ACACB: variants seen among roughly 807,000 people sequenced by gnomAD.
ACACB encodes the protein acetyl-CoA carboxylase beta, also known as acetyl-CoA carboxylase 2.
A neutral mutation model predicts 278.8 loss-of-function variants in ACACB; 209 were observed. The observed-to-expected ratio is 0.75, with a 90% CI of 0.67 to 0.84. The LOEUF is 0.84. Among genes scored for constraint, ACACB ranks in the 40% least tolerant of loss-of-function variants. The probability of loss-of-function intolerance (pLI) is 0.00; values close to 1 mark genes in which losing one functional copy is unlikely to be tolerated. For missense variants in ACACB, 2,850 were observed against 3,269.0 expected (o/e 0.87, Z 3.13); for synonymous variants, 1,174 against 1,285.6 (o/e 0.91, Z 1.86).
chr12:109,158,025 A>G (rs1555207905), intron 2 of ACACB, among the ~76,000 whole-genome samples: 4 of 152,078 alleles, frequency 2.6e-5, no homozygotes, highest in Non-Finnish European at 5.9e-5. Flanking sequence ...TGGTGGGGAG[A>G]TTTTTGAAAA....
chr12:109,213,855 C>A (rs545915183), intron 22 of ACACB, among the ~76,000 whole-genome samples: 1 of 152,226 alleles, frequency 6.6e-6, no homozygotes, highest in East Asian at 1.9e-4. Context: ...CTGCCTCGGC[C>A]TCCCAAAGTG....
intron 37 of ACACB, among the ~76,000 whole-genome samples, chr12:109,244,472 T>C (rs1175735041): frequency 6.6e-6 from 1 of 152,220 alleles, no homozygotes; most frequent in Non-Finnish European, 1.5e-5. Context: ...TGGAAACTTA[T>C]GATTAAGAAT....
intron 48 of ACACB, among the ~76,000 whole-genome samples, chr12:109,261,796 G>A (rs769532099): frequency 1.1e-4 from 17 of 151,352 alleles, no homozygotes; most frequent in Admixed American, 2.6e-4. Context: ...ACTTGAACCC[G>A]GGAGGCAGAG....
intron 1 of ACACB, among the ~76,000 whole-genome samples, chr12:109,133,588 T>C (rs2042885305): frequency 6.6e-6 from 1 of 152,034 alleles, no homozygotes; most frequent in Non-Finnish European, 1.5e-5. Context: ...GGTAGAGGGA[T>C]GCCCACCCTA....
chr12:109,193,613 C>T, intron 15 of ACACB, 35 bp from the exon 16 acceptor site: 12 of 1,566,490 alleles, frequency 7.7e-6, no homozygotes, highest in Non-Finnish European at 1.1e-5. Flanking sequence ...CTCAGTCCCT[C>T]CCAAGGCTGA....
At chr12:109,162,644 C>G (rs75795045) in intron 2 of ACACB, among the ~76,000 whole-genome samples, 3,683 of 152,242 alleles carry the variant, frequency 0.024, 140 homozygotes, top group African/African-American at 0.085. Flanking sequence ...AGATAAGGGT[C>G]TGAATAGGTG....
In ACACB at chr12:109,265,158, C is replaced by G; in HGVS notation, c.6991C>G (p.Arg2331Gly). The change falls in exon 51 of 53, where the codon CGC becomes GGC. Residue 2331 changes from arginine (R) to glycine (G), a missense_variant. By Grantham distance (125) the Arg-to-Gly change is moderately radical. Around this residue, in one of 3 missense-constraint regions of ACACB, gnomAD observed 579 missense variants for 684.6 expected, o/e 0.85. Transcript: ENST00000338432. ...ACGCACCTTCCTGTATTGGCGTCTG[C>G]GCCGCCTCCTCCTGGAGGACCAGGT... ...TARTFLYWRL[R>G]RLLLEDQVKQ... 1.2e-6 allele frequency: 2 copies of G among 1,613,680 alleles called. No homozygotes were observed. Among genetic ancestry groups the G allele is most frequent in the Non-Finnish European group, 1.7e-6 (2 of 1,179,872 alleles).
At chr12:109,168,128 C>G in intron 4 of ACACB, 94 bp downstream of exon 4, 4 of 1,379,010 alleles carry the variant, frequency 2.9e-6, no homozygotes, top group Non-Finnish European at 4.0e-6. Flanking sequence ...TCCTGGACTC[C>G]CGATGGTCAG....
At chr12:109,153,547 A>G (rs962275641) in intron 2 of ACACB, among the ~76,000 whole-genome samples, 1 of 152,102 alleles carries the variant, frequency 6.6e-6, no homozygotes, top group African/African-American at 2.4e-5. Flanking sequence ...CATTTACATT[A>G]TTTTTGGTTG....
chr12:109,119,563 C>T (rs1377070199), intron 1 of ACACB, among the ~76,000 whole-genome samples: 1 of 148,738 alleles, frequency 6.7e-6, no homozygotes, highest in African/African-American at 2.5e-5. Flanking sequence ...GCACTCCAGC[C>T]TGGGCAACAG....
chr12:109,170,368 G>A (rs922612499), intron 4 of ACACB, among the ~76,000 whole-genome samples: 18 of 152,162 alleles, frequency 1.2e-4, no homozygotes, highest in East Asian at 3.9e-4. Context: ...CCCAGCCAGC[G>A]TGTGTTTTTT....
intron 13 of ACACB, 121 bp from the exon 14 acceptor site, chr12:109,191,492 G>A: frequency 7.8e-7 from 1 of 1,276,396 alleles, no homozygotes; most frequent in Admixed American, 2.0e-5. Context: ...GGGATTACAG[G>A]CGTGAGCCAC....
intron 18 of ACACB, among the ~76,000 whole-genome samples, chr12:109,200,076 A>C (rs1327412822): frequency 6.6e-6 from 1 of 151,930 alleles, no homozygotes; most frequent in Admixed American, 6.6e-5. Flanking sequence ...TCTCCCCAGG[A>C]ATGAGTAAGA....
intron 2 of ACACB, among the ~76,000 whole-genome samples, chr12:109,154,444 G>A (rs1024296476): frequency 2.0e-5 from 3 of 152,266 alleles, no homozygotes; most frequent in Admixed American, 6.5e-5. Context: ...ATCAATTGCT[G>A]CCAATATGTA....
chr12:109,193,437 C>T (rs1357075242), intron 15 of ACACB, among the ~76,000 whole-genome samples: 2 of 152,092 alleles, frequency 1.3e-5, no homozygotes, highest in Non-Finnish European at 2.9e-5. Context: ...AGGCTGGTCT[C>T]GAACTCTTGG....
chr12:109,132,596 G>A (rs571884127), intron 1 of ACACB, among the ~76,000 whole-genome samples: 34 of 152,292 alleles, frequency 2.2e-4, no homozygotes, highest in African/African-American at 8.2e-4. Context: ...GAGCAGCAGT[G>A]AGGTGAATGG....
chr12:109,160,522 G>T (rs562848227), intron 2 of ACACB, among the ~76,000 whole-genome samples: 1 of 152,222 alleles, frequency 6.6e-6, no homozygotes, highest in South Asian at 2.1e-4. Context: ...TTTGGTGTTT[G>T]GCTGACACCT....
At chr12:109,119,328 C>T (rs373795277) in intron 1 of ACACB, among the ~76,000 whole-genome samples, 2 of 152,094 alleles carry the variant, frequency 1.3e-5, no homozygotes, top group African/African-American at 2.4e-5. Flanking sequence ...CAGTGGCTCA[C>T]GCCTGTAATC....
At chr12:109,170,100 T>TTTTG (rs148212534) in intron 4 of ACACB, among the ~76,000 whole-genome samples, 1 of 152,020 alleles carries the variant, frequency 6.6e-6, no homozygotes, top group African/African-American at 2.4e-5. Context: ...ATGTGTGGGT[T>TTTTG]TTTGTTTGTT....
Sources: allele counts gnomAD v4.1 joint callset (sites outside exome capture counted in the v4.1 genomes callset), GRCh38; gene constraint gnomAD v4.1.1; regional missense constraint gnomAD v4.1.1; transcripts MANE v1.5; gene names NCBI Gene and HGNC (gene_info 2026-07-23, HGNC 2026-07-21).